CDH26: variants seen among roughly 807,000 people sequenced by gnomAD.
CDH26 encodes the protein cadherin 26.
Under a neutral mutation model 90.3 loss-of-function variants are expected in CDH26, and 83 were observed. The ratio of observed to expected loss-of-function variants is 0.92; its 90% CI spans 0.77 to 1.10. CDH26 has a LOEUF of 1.10. Among genes scored for constraint, CDH26 ranks in the 50% least tolerant of loss-of-function variants. The pLI is 0.00. For synonymous variants in CDH26, 397 were observed against 396.3 expected, an observed-to-expected ratio of 1.00 and a Z score of -0.02; for missense variants, 1,013 against 1,037.6, an observed-to-expected ratio of 0.98 and a Z score of 0.33.
chr20:60,007,350 ACTGGGGATTAG>A (rs1460155918), intron 17 of CDH26, among the ~76,000 whole-genome samples: 1 of 152,160 alleles, frequency 6.6e-6, no homozygotes, highest in African/African-American at 2.4e-5. Flanking sequence ...AAGCCCCAAA[ACTGGGGATTAG>A]CCCAGGAGGG....
chr20:59,996,335 C>T lies in CDH26; in HGVS notation c.1888+281C>T, dbSNP rs1049674421. 4 of 1,435,194 alleles carry T rather than the reference C, an allele frequency of 2.8e-6. No individual in the cohort carries two copies. The African/African-American group carries it at 4.3e-5, about 15-fold the overall frequency. 88.9% of individuals were successfully genotyped at this position (1,435,194 alleles called of 1,614,324 possible). ...TTGTTTGTAATAACCATGGAGACAG[C>T]AATGTACAGATATTCAGGCTCCTGG... On this transcript the variant is annotated intron_variant, in intron 12 of 17. Coordinates refer to ENST00000348616, the MANE Select transcript of CDH26 (RefSeq NM_177980.4).
At position 59,988,929 on chromosome 20, in the gene CDH26, C is replaced by A. The variant is rs770853281; in HGVS notation, c.1049C>A (p.Ala350Glu). The change falls in exon 9 of 18, where the codon GCG becomes GAG. Residue 350 changes from alanine (A) to glutamate (E), a missense_variant. Coordinates refer to ENST00000348616, the MANE Select transcript of CDH26 (RefSeq NM_177980.4). ...IKPLDYETRP[A>E]QSLIIVVENE... The stretch of plus-strand genomic sequence containing the variant: ...CCTTTGGATTATGAGACTCGCCCAG[C>A]GCAAAGCCTCATCATTGTCGTGGAG... The A allele has an allele frequency of 3.7e-6, 6 of 1,613,982 alleles. No individual in the cohort carries two copies. Among genetic ancestry groups the A allele is most frequent in the Non-Finnish European group, 5.1e-6 (6 of 1,180,040 alleles).
chr20:60,004,582 T>C (rs987689876), intron 16 of CDH26, among the ~76,000 whole-genome samples: 2 of 151,870 alleles, frequency 1.3e-5, no homozygotes, highest in East Asian at 1.9e-4. Flanking sequence ...CTGGCTAACA[T>C]GGTGAAACCC....
At chr20:60,027,778 T>C (rs557288346) in intron 7 of CDH26, among the ~76,000 whole-genome samples, 2 of 152,334 alleles carry the variant, frequency 1.3e-5, no homozygotes, top group East Asian at 3.9e-4. Flanking sequence ...GAAATGTGTC[T>C]ACCAAGCTGG....
chr20:59,977,431 G>A (rs1430157203), intron 4 of CDH26, among the ~76,000 whole-genome samples: 1 of 152,006 alleles, frequency 6.6e-6, no homozygotes, highest in Non-Finnish European at 1.5e-5. Flanking sequence ...CTTTATACTA[G>A]AGCAATGAGA....
intron 3 of CDH26, among the ~76,000 whole-genome samples, chr20:59,970,914 C>A (rs1326975121): frequency 6.6e-6 from 1 of 151,990 alleles, no homozygotes; most frequent in Non-Finnish European, 1.5e-5. Context: ...AAAGTTCTGG[C>A]CACAAGGAAC....
chr20:60,027,657 C>A (rs183493764), intron 7 of CDH26, among the ~76,000 whole-genome samples: 1 of 152,230 alleles, frequency 6.6e-6, no homozygotes, highest in African/African-American at 2.4e-5. Context: ...ACTGTGTAAC[C>A]CACATCCCAG....
chr20:59,989,187 G>T, intron 9 of CDH26, 24 bp downstream of exon 9: 1 of 1,611,946 alleles, frequency 6.2e-7, no homozygotes, highest in Non-Finnish European at 8.5e-7. Context: ...GCCAAGAAGG[G>T]CGGTTGTTTA....
At chr20:59,986,742 G>T (rs1366426027) in intron 7 of CDH26, among the ~76,000 whole-genome samples, 1 of 151,872 alleles carries the variant, frequency 6.6e-6, no homozygotes, top group Non-Finnish European at 1.5e-5. Flanking sequence ...CATAGAAGCT[G>T]TTGTTGAATA....
chr20:59,970,025 C>G, intron 2 of CDH26, 57 bp from the exon 3 acceptor site: 8 of 1,581,408 alleles, frequency 5.1e-6, no homozygotes, highest in Non-Finnish European at 6.9e-6. Context: ...TGTGATAAAT[C>G]CTGGCTGTGA....
At chr20:59,997,729 A>C (rs1658122223) in intron 13 of CDH26, among the ~76,000 whole-genome samples, 2 of 152,260 alleles carry the variant, frequency 1.3e-5, no homozygotes, top group Admixed American at 1.3e-4. Context: ...ACCCCATCTT[A>C]CACCTCCACC....
At chr20:59,977,774 A>G (rs1031348617) in intron 4 of CDH26, among the ~76,000 whole-genome samples, 6 of 151,450 alleles carry the variant, frequency 4.0e-5, no homozygotes, top group Admixed American at 3.3e-4. Flanking sequence ...CCAGTATTTT[A>G]CATGACTATT....
chr20:59,959,959 AG>A (rs1481676786), intron 1 of CDH26, among the ~76,000 whole-genome samples: 1 of 152,160 alleles, frequency 6.6e-6, no homozygotes, highest in Admixed American at 6.5e-5. Context: ...GGCTTTCTGT[AG>A]GTAGGGAGAG....
At chr20:59,976,256 T>C (rs2061327322) in intron 4 of CDH26, among the ~76,000 whole-genome samples, 1 of 152,196 alleles carries the variant, frequency 6.6e-6, no homozygotes, top group South Asian at 2.1e-4. Context: ...GGTTTGTTTA[T>C]CCAAAGGTAT....
intron 8 of CDH26, among the ~76,000 whole-genome samples, chr20:60,033,144 C>T (rs978483293): frequency 6.6e-6 from 1 of 152,168 alleles, no homozygotes; most frequent in Non-Finnish European, 1.5e-5. Flanking sequence ...CTATTATTCA[C>T]CTTGTGTGAG....
Position 60,001,661 on chromosome 20 carries a change from G to A in CDH26, c.2166+250G>A, listed in dbSNP as rs904615709. ...TCCTGATCAAATATGACACTTTTTA[G>A]AGCATCCACAAATAGATACATTTTC... is the stretch of plus-strand genomic sequence containing the variant. On this transcript the variant is annotated intron_variant, in intron 15 of 17. Coordinates refer to ENST00000348616, the MANE Select transcript of CDH26 (RefSeq NM_177980.4). 37 of 956,782 alleles carry A rather than the reference G, an allele frequency of 3.9e-5. No individual in the cohort carries two copies. The African/African-American group carries it at 5.3e-4, about 14-fold the overall frequency. The allele number at this position is 956,782 out of a possible 1,614,324, so 59.3% of individuals were successfully genotyped here.
At chr20:59,997,453 G>A (rs1951979340) in intron 13 of CDH26, among the ~76,000 whole-genome samples, 1 of 152,278 alleles carries the variant, frequency 6.6e-6, no homozygotes, top group African/African-American at 2.4e-5. Flanking sequence ...GTGGATCAGA[G>A]AGGATGCCTA....
chr20:59,967,876 T>TCTTTCTTTCTTTCTTCCTTC (rs1555894031), intron 1 of CDH26, among the ~76,000 whole-genome samples: 1 of 54,624 alleles, frequency 1.8e-5, no homozygotes, highest in Non-Finnish European at 3.4e-5. Context: ...TTTCTTTCTT[T>TCTTTCTTTCTTTCTTCCTTC]CTTCCTTCCT....
intron 13 of CDH26, among the ~76,000 whole-genome samples, chr20:59,998,409 G>A (rs1017498667): frequency 2.6e-5 from 4 of 152,178 alleles, no homozygotes; most frequent in Non-Finnish European, 4.4e-5. Context: ...TTGGAAAAGA[G>A]GAAGCAGCTA....
Sources: gnomAD v4.1 joint callset for allele counts (sites outside exome capture counted in the v4.1 genomes callset) on GRCh38, gnomAD v4.1.1 for gene constraint, MANE v1.5 for transcripts, NCBI Gene and HGNC (gene_info 2026-07-23, HGNC 2026-07-21) for gene names.